The following DYNC2H1 variants were observed in gnomAD, a reference collection of about 807,000 sequenced individuals.
The protein encoded by DYNC2H1 is cytoplasmic dynein 2 heavy chain 1.
A neutral mutation model predicts 570.0 loss-of-function variants in DYNC2H1; 410 were observed. The observed-to-expected ratio is 0.72, with a 90% CI of 0.66 to 0.78. DYNC2H1 has a LOEUF of 0.78. Ranked by LOEUF, DYNC2H1 falls within the 30% of genes least tolerant of loss-of-function variation. The pLI, the probability that DYNC2H1 is intolerant of heterozygous loss-of-function variation, is 0.00. For synonymous variants in DYNC2H1, 1,688 were observed against 1,677.6 expected (o/e 1.01, Z -0.15); for missense variants, 4,865 against 5,046.4 (o/e 0.96, Z 1.09).
At chr11:103,408,089 A>C (rs1942936668) in intron 84 of DYNC2H1, 2 of 151,968 alleles carry the variant, frequency 1.3e-5, no homozygotes, top group Non-Finnish European at 2.9e-5. Flanking sequence ...ATTTAAAATT[A>C]ATAAGAGGAT....
rs374553424 is a variant in DYNC2H1 at position 103,140,169 on chromosome 11, A to G, written c.2575-3099A>G. On this transcript the variant is annotated intron_variant, in intron 17 of 88. Coordinates refer to ENST00000375735, the MANE Select transcript of DYNC2H1 (RefSeq NM_001377.3). ...CTGATGGGTCTTGACTCTTTATCCAATTTGCCAGTCTGTGTCTTTTAATTG... is the reference window on the plus strand; with the variant it reads ...CTGATGGGTCTTGACTCTTTATCCAGTTTGCCAGTCTGTGTCTTTTAATTG... Among the ~76,000 whole-genome samples the G allele has an allele frequency of 3.5e-4, 54 of 152,212 alleles. 3 individuals carry two copies. The South Asian group carries it at 0.01, about 29-fold the overall frequency.
intron 85 of DYNC2H1, among the ~76,000 whole-genome samples, chr11:103,450,856 C>T (rs1173706331): frequency 1.3e-5 from 2 of 151,976 alleles, no homozygotes; most frequent in Non-Finnish European, 2.9e-5. Flanking sequence ...CTAGACAGAC[C>T]CACTGGAATA....
At chr11:103,320,455 TTTCTC>T (rs1481369704) in intron 80 of DYNC2H1, among the ~76,000 whole-genome samples, 3 of 152,172 alleles carry the variant, frequency 2.0e-5, no homozygotes, top group African/African-American at 7.2e-5. Context: ...TAATATTACA[TTTCTC>T]TTCTATTAAA....
intron 45 of DYNC2H1, among the ~76,000 whole-genome samples, chr11:103,191,043 CTT>C (rs10707667): frequency 7.2e-4 from 68 of 94,056 alleles, no homozygotes; most frequent in Middle Eastern, 5.1e-3. Flanking sequence ...TTTTCTTTTT[CTT>C]TTTTTTTTTT....
At chr11:103,213,021 C>T (rs1475997604) in intron 54 of DYNC2H1, among the ~76,000 whole-genome samples, 1 of 151,960 alleles carries the variant, frequency 6.6e-6, no homozygotes, top group African/African-American at 2.4e-5. Flanking sequence ...TACTCTTTCC[C>T]CAAATCTTCT....
chr11:103,308,228 G>C (rs1024528715), intron 78 of DYNC2H1, among the ~76,000 whole-genome samples: 2 of 152,124 alleles, frequency 1.3e-5, no homozygotes, highest in African/African-American at 2.4e-5. Context: ...CTTTCTAAGA[G>C]TTTGACTGCT....
In DYNC2H1 at chr11:103,153,335, T is replaced by C. The variant is rs1860657916; in HGVS notation, c.3129T>C (p.Arg1043=). Residue 1043 remains arginine (R), a synonymous_variant, in exon 22 of 89, where the codon CGT becomes CGC. Coordinates refer to ENST00000375735, the MANE Select transcript of DYNC2H1 (RefSeq NM_001377.3). ...IEVMKGNVKS[R]LQIYYQELEK... is the part of the protein sequence containing the mutation. ...TGATGAAAGGAAATGTGAAATCACG[T>C]CTTCAGATCTATTATCAAGAACTGG... The C allele has an allele frequency of 6.5e-7, 1 of 1,541,034 alleles. No individual in the cohort carries two copies. The highest frequency in any genetic ancestry group is 1.4e-5 in the African/African-American group (1 of 72,422).
At chr11:103,120,258 T>C (rs1271024133) in intron 6 of DYNC2H1, among the ~76,000 whole-genome samples, 189 bp from the exon 7 acceptor site, 1 of 152,170 alleles carries the variant, frequency 6.6e-6, no homozygotes, top group African/African-American at 2.4e-5. Flanking sequence ...GAAACAGTTA[T>C]GTTTTTGAGC....
At position 103,128,959 on chromosome 11, in the gene DYNC2H1, G is replaced by C; in HGVS notation, c.1907G>C (p.Arg636Thr). 1.2e-6 allele frequency: 2 copies of C among 1,603,864 alleles called. No homozygotes were observed. The highest frequency in any genetic ancestry group is 1.7e-6 in the Non-Finnish European group (2 of 1,176,220). The change falls in exon 13 of 89, where the codon AGG becomes ACG. Residue 636 changes from arginine to threonine, a missense_variant. By Grantham distance (71) the Arg-to-Thr change is moderately conservative (BLOSUM62 -1). Around this residue, in one of 5 missense-constraint regions of DYNC2H1, gnomAD observed 1,936 missense variants for 1,962.1 expected, o/e 0.99. Transcript: ENST00000375735. ...GATCAACAAATGATTCAAAGTCAGAGGCCAATGATGTTACAATCTGCCTTA... is the reference window on the plus strand; with the variant it reads ...GATCAACAAATGATTCAAAGTCAGACGCCAATGATGTTACAATCTGCCTTA... ...SIDQQMIQSQRPMMLQSALAF... is the reference protein window; with the variant it reads ...SIDQQMIQSQTPMMLQSALAF...
Position 103,289,286 on chromosome 11 carries a change from T to C in DYNC2H1, c.11095+1681T>C, listed in dbSNP as rs556066946. On this transcript the variant is annotated intron_variant, in intron 75 of 88. Coordinates refer to ENST00000375735, the MANE Select transcript of DYNC2H1 (RefSeq NM_001377.3). The surrounding 1 kb of genome is among the most constrained non-coding windows in gnomAD (Gnocchi z 4.2). ...AGTCTCCTGCACAGCTGGCTCTGTC[T>C]TGGTAAATCAACTCTGTCTAGGCAA... is the stretch of plus-strand genomic sequence containing the variant. 6.6e-6 allele frequency among the ~76,000 whole-genome samples: 1 copy of C among 152,270 alleles called. No individual in the cohort carries two copies. Among genetic ancestry groups the C allele is most frequent in the African/African-American group, 2.4e-5 (1 of 41,546 alleles).
Position 103,203,736 on chromosome 11 carries a change from A to G in DYNC2H1, c.8271A>G (p.Gln2757=), listed in dbSNP as rs183652156. 118 of 1,612,300 alleles carry G rather than the reference A, an allele frequency of 7.3e-5. 1 individual carries two copies. In the East Asian group the frequency reaches 2.3e-3, roughly 32 times the overall value. The change falls in exon 51 of 89, where the codon CAA becomes CAG. Residue 2757 remains glutamine, a synonymous_variant. Coordinates refer to ENST00000375735, the MANE Select transcript of DYNC2H1 (RefSeq NM_001377.3). This position sits in a 1 kb window ranked among gnomAD's most constrained non-coding sequence, Gnocchi z 4.7. ...TACCACTTAAGGATCAAGCTTCACA[A>G]GATGGTTTTTTTGGACCAGTCTTCA... The part of the protein sequence containing the change: ...LLLPLKDQAS[Q]DGFFGPVFNY...
At chr11:103,255,769 T>G (rs1037255869) in intron 67 of DYNC2H1, among the ~76,000 whole-genome samples, 1 of 152,074 alleles carries the variant, frequency 6.6e-6, no homozygotes, top group African/African-American at 2.4e-5. Context: ...GTTTTATTAT[T>G]TAATTATATG....
chr11:103,117,592 A>G (rs1040042004), intron 5 of DYNC2H1, 39 bp from the exon 6 acceptor site: 4 of 1,419,184 alleles, frequency 2.8e-6, no homozygotes, highest in Admixed American at 2.5e-5. Context: ...ATAAAAATAC[A>G]TTTATTTCCC....
At chr11:103,143,171 C>T in intron 17 of DYNC2H1, 97 bp from the exon 18 acceptor site, 11 of 1,257,510 alleles carry the variant, frequency 8.7e-6, no homozygotes, top group South Asian at 6.2e-5. Context: ...TCATATTTTC[C>T]TCTTTTTATT....
At chr11:103,410,127 A>G (rs977354290) in intron 84 of DYNC2H1, among the ~76,000 whole-genome samples, 42 of 152,178 alleles carry the variant, frequency 2.8e-4, no homozygotes, top group African/African-American at 9.6e-4. Context: ...ACTTTCCAGT[A>G]TGCTTACCAT....
intron 88 of DYNC2H1, among the ~76,000 whole-genome samples, chr11:103,478,455 C>T (rs138580502): frequency 1.1e-3 from 166 of 152,292 alleles, no homozygotes; most frequent in African/African-American, 3.8e-3. Context: ...TTGATGGAAA[C>T]ATCTAGTACC....
intron 87 of DYNC2H1, among the ~76,000 whole-genome samples, chr11:103,460,278 C>T (rs1944964990): frequency 6.6e-6 from 1 of 151,458 alleles, no homozygotes. Context: ...TATATTTAGT[C>T]TCTGGCAGCT....
At chr11:103,315,856 A>G (rs1164941100) in intron 79 of DYNC2H1, among the ~76,000 whole-genome samples, 1 of 152,094 alleles carries the variant, frequency 6.6e-6, no homozygotes, top group Non-Finnish European at 1.5e-5. Flanking sequence ...GACATATAAT[A>G]CATATTTTAA....
At chr11:103,139,397 G>T (rs1415173212) in intron 17 of DYNC2H1, among the ~76,000 whole-genome samples, 2 of 152,052 alleles carry the variant, frequency 1.3e-5, no homozygotes, top group South Asian at 2.1e-4. Context: ...GTGTCCCAGA[G>T]ATTCTGGTAT....
Sources: allele counts gnomAD v4.1 joint callset (sites outside exome capture counted in the v4.1 genomes callset), GRCh38; gene constraint gnomAD v4.1.1; regional missense constraint gnomAD v4.1.1; non-coding constraint Gnocchi (gnomAD v3.1); transcripts MANE v1.5; gene names NCBI Gene and HGNC (gene_info 2026-07-23, HGNC 2026-07-21).